The following CPSF6 variants were observed in gnomAD, a reference collection of about 807,000 sequenced individuals.
CPSF6 encodes the protein cleavage and polyadenylation specificity factor subunit 6.
In CPSF6, 10 loss-of-function variants were observed where a neutral mutation model predicts 56.7. The observed-to-expected ratio is 0.18, with a 90% CI of 0.11 to 0.30. The LOEUF is 0.30. CPSF6 is among the 10% of genes least tolerant of loss of function. CPSF6 has a pLI of 1.00. For synonymous variants in CPSF6, 248 were observed against 244.8 expected (o/e 1.01, Z -0.12); for missense variants, 419 against 722.9 (o/e 0.58, Z 4.82).
Position 69,269,703 on chromosome 12 carries a change from C to T in CPSF6, c.*195C>T. ...AGCTCTACTTTTATTTTTTATGTTGCTTAACTGTTTTATTTGAAGGAAACC... is the reference window on the plus strand; with the variant it reads ...AGCTCTACTTTTATTTTTTATGTTGTTTAACTGTTTTATTTGAAGGAAACC... On this transcript the variant is annotated 3_prime_UTR_variant, in exon 10 of 10. Transcript: ENST00000435070. 4.7e-6 allele frequency: 1 copy of T among 214,598 alleles called. No individual in the cohort carries two copies. The allele number at this position is 214,598 out of a possible 1,614,324, so 13.3% of individuals were successfully genotyped here. A position where few individuals can be genotyped will look rare whatever the true frequency, so the allele number is the denominator to read the frequency against.
intron 1 of CPSF6, among the ~76,000 whole-genome samples, chr12:69,242,325 T>A (rs1871667636): frequency 6.6e-6 from 1 of 152,194 alleles, no homozygotes; most frequent in Admixed American, 6.5e-5. Context: ...TGCTGAGTCT[T>A]CTATTTTAAA....
chr12:69,257,841 T>C lies in CPSF6; in HGVS notation c.630T>C (p.Ala210=). ...GGRGRGRFPG[A]VPGGDRFPGP... is the part of the protein sequence containing the mutation. ...GAGGACGGGGCCGTTTTCCAGGGGC[T>C]GTTCCTGGTGGGGACAGATTTCCTG... The change falls in exon 5 of 10, where the codon GCT becomes GCC. Residue 210 remains alanine, a synonymous_variant. Transcript: ENST00000435070. The C allele has an allele frequency of 6.2e-7, 1 of 1,612,450 alleles. No individual in the cohort carries two copies. The highest frequency in any genetic ancestry group is 8.5e-7 in the Non-Finnish European group (1 of 1,179,560).
intron 8 of CPSF6, among the ~76,000 whole-genome samples, chr12:69,261,014 C>G (rs1443984573): frequency 6.6e-6 from 1 of 152,108 alleles, no homozygotes; most frequent in African/African-American, 2.4e-5. Flanking sequence ...AATGAATGAT[C>G]TATCTTTTAG....
chr12:69,259,959 G>A (rs1381195630), intron 7 of CPSF6, 85 bp from the exon 8 acceptor site: 1 of 1,365,298 alleles, frequency 7.3e-7, no homozygotes, highest in Non-Finnish European at 1.0e-6. Flanking sequence ...TTTGTAAAAT[G>A]CCTTATCACT....
rs893442510 is a variant in CPSF6, at chr12:69,244,957, T to C, written c.60+5251T>C. Among the ~76,000 whole-genome samples the C allele has an allele frequency of 3.9e-5, 6 of 152,006 alleles. 1 individual carries two copies. The highest frequency in any genetic ancestry group is 8.8e-5 in the Non-Finnish European group (6 of 67,974). The stretch of plus-strand genomic sequence containing the variant: ...GGAAGAGTACACTCTAACATAATGA[T>C]TAAAAGTATGGTATAGTTGGCCTTG... On this transcript the variant is annotated intron_variant, in intron 1 of 9. Transcript: ENST00000435070.
intron 7 of CPSF6, 61 bp downstream of exon 7, chr12:69,259,604 T>A: frequency 7.2e-7 from 1 of 1,396,334 alleles, no homozygotes; most frequent in African/African-American, 1.5e-5. Context: ...CCTAAAAATG[T>A]AAGTACAATC....
At chr12:69,262,329 T>A in intron 8 of CPSF6, 44 bp from the exon 9 acceptor site, 1 of 1,476,670 alleles carries the variant, frequency 6.8e-7, no homozygotes, top group Non-Finnish European at 9.0e-7. Context: ...ATTTTTAGGC[T>A]ATCTAATTAT....
At chr12:69,257,165 G>A (rs1200189749) in intron 4 of CPSF6, among the ~76,000 whole-genome samples, 2 of 152,164 alleles carry the variant, frequency 1.3e-5, no homozygotes, top group African/African-American at 2.4e-5. Context: ...TTAAAGGAGA[G>A]CTATGTGGAT....
At chr12:69,269,248 T>C (rs538348806) in intron 9 of CPSF6, among the ~76,000 whole-genome samples, 1 of 151,994 alleles carries the variant, frequency 6.6e-6, no homozygotes, top group African/African-American at 2.4e-5. Flanking sequence ...AGCTGCTATG[T>C]TTTCATTACT....
At chr12:69,250,614 A>G (rs1872192661) in intron 1 of CPSF6, among the ~76,000 whole-genome samples, 1 of 143,892 alleles carries the variant, frequency 6.9e-6, no homozygotes, top group African/African-American at 2.6e-5. Flanking sequence ...AAAAGAAAAA[A>G]AAGAAAAGAA....
rs1260726640 is a variant in CPSF6 at position 69,272,055 on chromosome 12, G to A, written c.*2547G>A. 6.6e-6 allele frequency: 1 copy of A among 151,608 alleles called. No individual in the cohort carries two copies. Among genetic ancestry groups the A allele is most frequent in the African/African-American group, 2.4e-5 (1 of 41,350 alleles). The allele number at this position is 151,608 out of a possible 1,614,324, so 9.4% of individuals were successfully genotyped here. ...CAGATGAGTGATACAGTACCTGAATGGTACTGCTTCTGAGGCAACACTTTG... is the reference window on the plus strand; with the variant it reads ...CAGATGAGTGATACAGTACCTGAATAGTACTGCTTCTGAGGCAACACTTTG... On this transcript the variant is annotated 3_prime_UTR_variant, in exon 10 of 10. Coordinates refer to ENST00000435070, the MANE Select transcript of CPSF6 (RefSeq NM_007007.3).
At chr12:69,244,463 A>C (rs1871785366) in intron 1 of CPSF6, among the ~76,000 whole-genome samples, 1 of 151,936 alleles carries the variant, frequency 6.6e-6, no homozygotes, top group South Asian at 2.1e-4. Context: ...ACCTCAAGTG[A>C]TCCTCTTGCC....
chr12:69,253,105 A>G lies in CPSF6; in HGVS notation c.325A>G (p.Ile109Val), dbSNP rs1872328594. 4 of 1,600,226 alleles carry G rather than the reference A, an allele frequency of 2.5e-6. No individual in the cohort carries two copies. The highest frequency in any genetic ancestry group is 2.7e-5 in the African/African-American group (2 of 74,116). ...EAVHSLGVNDILEIKFFENRA... is the reference protein window; with the variant it reads ...EAVHSLGVNDVLEIKFFENRA... The stretch of plus-strand genomic sequence containing the variant: ...AGTTCATTCTTTGGGAGTAAATGAT[A>G]TTTTGGAGATAAAATTTTTTGAAAA... The change falls in exon 3 of 10, where the codon ATT becomes GTT. Residue 109 changes from isoleucine to valine, a missense_variant. Physicochemically the swap from Ile to Val is conservative, Grantham distance 29. Transcript: ENST00000435070.
chr12:69,257,607 T>C, intron 4 of CPSF6, 125 bp from the exon 5 acceptor site: 1 of 825,894 alleles, frequency 1.2e-6, no homozygotes, highest in Non-Finnish European at 1.9e-6. Flanking sequence ...TCTTATGTAG[T>C]TTGCATAGGC....
intron 3 of CPSF6, 65 bp from the exon 4 acceptor site, chr12:69,256,632 A>G (rs1406774344): frequency 1.4e-6 from 2 of 1,471,112 alleles, no homozygotes; most frequent in Non-Finnish European, 1.8e-6. Context: ...CTTTTTACAG[A>G]AGAATAACAG....
chr12:69,256,423 A>G lies in CPSF6; in HGVS notation c.375-274A>G, dbSNP rs140823593. On this transcript the variant is annotated intron_variant, in intron 3 of 9. Transcript: ENST00000435070. ...ACTCGTATAGTTAAGAAATATTTTT[A>G]GTTTTTAAAATTATTTATTTTTAGA... is the stretch of plus-strand genomic sequence containing the variant. 2.6e-5 allele frequency among the ~76,000 whole-genome samples: 4 copies of G among 152,286 alleles called. No individual in the cohort carries two copies. The East Asian group carries it at 7.7e-4, about 29-fold the overall frequency.
intron 3 of CPSF6, among the ~76,000 whole-genome samples, chr12:69,255,947 C>G (rs1295235731): frequency 2.0e-5 from 3 of 152,190 alleles, no homozygotes; most frequent in Admixed American, 2.0e-4. Context: ...TATTGTACAT[C>G]TTTTTATTGT....
chr12:69,265,090 T>C (rs569678980), intron 9 of CPSF6, among the ~76,000 whole-genome samples: 1 of 152,194 alleles, frequency 6.6e-6, no homozygotes, highest in African/African-American at 2.4e-5. Context: ...TAATTTTTTT[T>C]TGTGTTTGAA....
At position 69,239,610 on chromosome 12, in the gene CPSF6, AGGC is replaced by A. The variant is rs574075893; in HGVS notation, c.-18_-16del. 9.2e-4 allele frequency: 1,309 copies of A among 1,422,540 alleles called. 1 individual carries two copies. Among genetic ancestry groups the A allele is most frequent in the African/African-American group, 4.4e-3 (295 of 67,408 alleles). 88.1% of individuals were successfully genotyped at this position (1,422,540 alleles called of 1,614,324 possible). A position where few individuals can be genotyped will look rare whatever the true frequency, so the allele number is the denominator to read the frequency against. ...CTGCCGCGGCGGGCAGACCTGCAGG[AGGC>A]GGCGGCGGCGGCGGCGGCCGAGGCT... is the stretch of plus-strand genomic sequence containing the variant. On this transcript the variant is annotated 5_prime_UTR_variant, in exon 1 of 10. Transcript: ENST00000435070.
Sources: allele counts gnomAD v4.1 joint callset (sites outside exome capture counted in the v4.1 genomes callset), GRCh38; gene constraint gnomAD v4.1.1; transcripts MANE v1.5; gene names NCBI Gene and HGNC (gene_info 2026-07-23, HGNC 2026-07-21).